Variants in ARHGAP23 observed in about 807,000 individuals in gnomAD.
ARHGAP23 encodes the protein Rho GTPase activating protein 23.
A neutral mutation model predicts 136.3 loss-of-function variants in ARHGAP23; 34 were observed. That is an observed-to-expected ratio of 0.25 (90% CI 0.19 to 0.33). The LOEUF (loss-of-function observed/expected upper bound fraction) is 0.33. ARHGAP23 is among the 10% of genes least tolerant of loss of function. The pLI is 1.00. For missense variants in ARHGAP23, 1,808 were observed against 2,139.0 expected, an observed-to-expected ratio of 0.85 and a Z score of 3.05; for synonymous variants, 832 against 920.5, an observed-to-expected ratio of 0.90 and a Z score of 1.74.
At position 38,497,572 on chromosome 17, in the gene ARHGAP23, C is replaced by G. The variant is rs188573749; in HGVS notation, c.3277-213C>G. Reference sequence around the variant, plus strand: ...GTCTCCTCCCACACTGGGGTCCCACCTTTTCTCTCCCCCAGGGTTTTTCAT... The same window carrying G: ...GTCTCCTCCCACACTGGGGTCCCACGTTTTCTCTCCCCCAGGGTTTTTCAT... On this transcript the variant is annotated intron_variant, in intron 20 of 23. Coordinates refer to ENST00000622683, the MANE Select transcript of ARHGAP23 (RefSeq NM_001199417.2). Among the ~76,000 whole-genome samples, 3 of 152,338 alleles carry G rather than the reference C, an allele frequency of 2.0e-5. No homozygotes were observed. In the East Asian group the frequency reaches 5.8e-4, roughly 29 times the overall value.
At chr17:38,429,103 C>G (rs936298933) in intron 1 of ARHGAP23, among the ~76,000 whole-genome samples, 1 of 152,246 alleles carries the variant, frequency 6.6e-6, no homozygotes, top group African/African-American at 2.4e-5. Context: ...CCGCCGCCCT[C>G]CTGGATCCTG....
Position 38,469,615 on chromosome 17 carries a change from C to T in ARHGAP23, c.1896C>T (p.Arg632=), listed in dbSNP as rs1405213029. The T allele has an allele frequency of 2.5e-5, 38 of 1,548,644 alleles. No individual in the cohort carries two copies. Among genetic ancestry groups the T allele is most frequent in the Admixed American group, 3.9e-5 (2 of 50,976 alleles). ...GCGATGATGGACTCAACACCTTCCG[C>T]GACGAGGGCCGGGTTCTGCGGTGAG... ...KSCDDGLNTF[R]DEGRVLRRLP... The change falls in exon 9 of 24, where the codon CGC becomes CGT. Residue 632 remains arginine, a synonymous_variant. Coordinates refer to ENST00000622683, the MANE Select transcript of ARHGAP23 (RefSeq NM_001199417.2).
At chr17:38,497,325 G>T (rs904688435) in intron 20 of ARHGAP23, among the ~76,000 whole-genome samples, 1 of 152,194 alleles carries the variant, frequency 6.6e-6, no homozygotes, top group Non-Finnish European at 1.5e-5. Flanking sequence ...CCTGTTGTCA[G>T]TGTGGCACCC....
chr17:38,475,525 A>G (rs932705963), intron 11 of ARHGAP23, among the ~76,000 whole-genome samples: 5 of 152,182 alleles, frequency 3.3e-5, no homozygotes, highest in African/African-American at 1.2e-4. Context: ...ACACGATGGG[A>G]GGCCAGATGT....
intron 1 of ARHGAP23, among the ~76,000 whole-genome samples, chr17:38,438,548 C>T (rs916836774): frequency 1.3e-5 from 2 of 152,104 alleles, no homozygotes; most frequent in Non-Finnish European, 1.5e-5. Context: ...CCCATCAGGT[C>T]GTATCCCTCA....
upstream of ARHGAP23, among the ~76,000 whole-genome samples, chr17:38,426,720 C>G (rs1284961865): frequency 2.6e-5 from 4 of 152,070 alleles, no homozygotes; most frequent in African/African-American, 9.7e-5. Context: ...GAAACAGAAT[C>G]CCTTTCTCTT....
rs539312767 is a variant in ARHGAP23, at chr17:38,437,913, G to A, written c.63+9365G>A. Among the ~76,000 whole-genome samples, 9 of 152,270 alleles carry A rather than the reference G, an allele frequency of 5.9e-5. No homozygotes were observed. In the South Asian group the frequency reaches 1.9e-3, roughly 32 times the overall value. ...TGGATTTGCTCGTGAGTGGCGTGGGGGACCCCAGGGTTCTGTCAATAAACA... is the reference window on the plus strand; with the variant it reads ...TGGATTTGCTCGTGAGTGGCGTGGGAGACCCCAGGGTTCTGTCAATAAACA... On this transcript the variant is annotated intron_variant, in intron 1 of 23. Transcript: ENST00000622683.
At position 38,477,584 on chromosome 17, in the gene ARHGAP23, G is replaced by C. The variant is rs549192002; in HGVS notation, c.2124G>C (p.Ala708=). ...KQILTKKGKK[A]GSGLRQWKRV... is the part of the protein sequence containing the mutation. Reference sequence around the variant, plus strand: ...AACCCCGTGTCTCCCTGCAGAAAGCGGGCAGCGGCCTGCGCCAGTGGAAGC... The same window carrying C: ...AACCCCGTGTCTCCCTGCAGAAAGCCGGCAGCGGCCTGCGCCAGTGGAAGC... Residue 708 remains alanine (A), a synonymous_variant, in exon 12 of 24, where the codon GCG becomes GCC. Transcript: ENST00000622683. This position sits in a 1 kb window ranked among gnomAD's most constrained non-coding sequence, Gnocchi z 6.6. 1.6e-6 allele frequency: 2 copies of C among 1,271,702 alleles called. No homozygotes were observed. The highest frequency in any genetic ancestry group is 2.0e-6 in the Non-Finnish European group (2 of 1,006,478). 78.8% of individuals were successfully genotyped at this position (1,271,702 alleles called of 1,614,324 possible).
chr17:38,437,374 C>T (rs1322793600), intron 1 of ARHGAP23, among the ~76,000 whole-genome samples: 1 of 152,088 alleles, frequency 6.6e-6, no homozygotes, highest in Non-Finnish European at 1.5e-5. Context: ...GATCCTCCTG[C>T]CTTGGTCTCC....
At chr17:38,463,028 C>T in intron 4 of ARHGAP23, 87 bp downstream of exon 4, 7 of 1,530,692 alleles carry the variant, frequency 4.6e-6, no homozygotes, top group Non-Finnish European at 6.2e-6. Context: ...AGGCTCCTGT[C>T]CCCACAGTGT....
chr17:38,429,666 C>A (rs2038644060), intron 1 of ARHGAP23, among the ~76,000 whole-genome samples: 1 of 151,870 alleles, frequency 6.6e-6, no homozygotes, highest in African/African-American at 2.4e-5. Context: ...TCCCTTCAGC[C>A]AAAGTGTGTT....
intron 1 of ARHGAP23, among the ~76,000 whole-genome samples, chr17:38,441,873 G>T (rs1220941772): frequency 1.3e-5 from 2 of 152,196 alleles, no homozygotes; most frequent in African/African-American, 4.8e-5. Context: ...GAGGGCTCGT[G>T]GCTGGAGTGT....
chr17:38,479,786 C>G lies in ARHGAP23; in HGVS notation c.2532C>G (p.Pro844=), dbSNP rs746650477. ...HSSGPKADSS[P]KGSRGLGGLK... Reference sequence around the variant, plus strand: ...CTGGGCCCAAAGCTGATTCCTCCCCCAAAGGCTCTCGCGGCCTGGGGGGCC... The same window carrying G: ...CTGGGCCCAAAGCTGATTCCTCCCCGAAAGGCTCTCGCGGCCTGGGGGGCC... Residue 844 remains proline, a synonymous_variant, in exon 14 of 24, where the codon CCC becomes CCG. Coordinates refer to ENST00000622683, the MANE Select transcript of ARHGAP23 (RefSeq NM_001199417.2). 5 of 1,507,428 alleles carry G rather than the reference C, an allele frequency of 3.3e-6. No individual in the cohort carries two copies. Among genetic ancestry groups the G allele is most frequent in the Admixed American group, 2.2e-5 (1 of 46,068 alleles). 93.4% of individuals were successfully genotyped at this position (1,507,428 alleles called of 1,614,324 possible).
chr17:38,496,469 A>G (rs577582983), intron 20 of ARHGAP23, among the ~76,000 whole-genome samples: 1 of 152,310 alleles, frequency 6.6e-6, no homozygotes, highest in African/African-American at 2.4e-5. Context: ...GAGAGACCCT[A>G]TCTCAAAAAT....
At chr17:38,479,929 G>A in intron 14 of ARHGAP23, 46 bp downstream of exon 14, 1 of 1,419,944 alleles carries the variant, frequency 7.0e-7, no homozygotes, top group Non-Finnish European at 9.5e-7. Context: ...GGGGCAGGGG[G>A]CATGGGGAGG....
intron 23 of ARHGAP23, among the ~76,000 whole-genome samples, chr17:38,505,480 C>A (rs1406896196): frequency 6.6e-6 from 1 of 152,146 alleles, no homozygotes; most frequent in Non-Finnish European, 1.5e-5. Context: ...CCGGCCCTGC[C>A]CTATTCAAGT....
chr17:38,448,795 G>A (rs200045206), intron 1 of ARHGAP23, among the ~76,000 whole-genome samples: 3 of 145,862 alleles, frequency 2.1e-5, no homozygotes, highest in Non-Finnish European at 2.9e-5. Flanking sequence ...AGAGGTGCAC[G>A]CCACCATCCC....
Position 38,510,687 on chromosome 17 carries a change from G to C in ARHGAP23, c.4191G>C (p.Arg1397=). ...GGCGGCCGCTGTCGCCCGAGACCCGGCGGCGCCGGAGCAGCTGGCGCCGCC... is the reference window on the plus strand; with the variant it reads ...GGCGGCCGCTGTCGCCCGAGACCCGCCGGCGCCGGAGCAGCTGGCGCCGCC... The part of the protein sequence containing the change: ...RLRRPLSPET[R]RRRSSWRRHT... Residue 1397 remains arginine, a synonymous_variant, in exon 24 of 24, where the codon CGG becomes CGC. Coordinates refer to ENST00000622683, the MANE Select transcript of ARHGAP23 (RefSeq NM_001199417.2). This position sits in a 1 kb window ranked among gnomAD's most constrained non-coding sequence, Gnocchi z 4.6. 5 of 1,417,154 alleles carry C rather than the reference G, an allele frequency of 3.5e-6. No homozygotes were observed. Among genetic ancestry groups the C allele is most frequent in the Non-Finnish European group, 4.6e-6 (5 of 1,094,114 alleles). The allele number at this position is 1,417,154 out of a possible 1,614,324, so 87.8% of individuals were successfully genotyped here. A position where few individuals can be genotyped will look rare whatever the true frequency, so the allele number is the denominator to read the frequency against.
At chr17:38,457,700 G>A in intron 1 of ARHGAP23, 1 of 268,430 alleles carries the variant, frequency 3.7e-6, no homozygotes, top group Non-Finnish European at 7.1e-6. Flanking sequence ...ATGTGTGCAT[G>A]TGTGTGTGTG....
Sources: gnomAD v4.1 joint callset for allele counts (sites outside exome capture counted in the v4.1 genomes callset) on GRCh38, gnomAD v4.1.1 for gene constraint, Gnocchi (gnomAD v3.1) non-coding constraint, MANE v1.5 for transcripts, NCBI Gene and HGNC (gene_info 2026-07-23, HGNC 2026-07-21) for gene names.